SBNO2: variants seen among roughly 807,000 people sequenced by gnomAD.
SBNO2 encodes strawberry notch homolog 2, also known as protein strawberry notch homolog 2.
SBNO2 carries 89 observed loss-of-function variants against 146.3 expected under a neutral mutation model. That is an observed-to-expected ratio of 0.61 (90% CI 0.51 to 0.73). SBNO2 has a LOEUF of 0.73. Ranked by LOEUF, SBNO2 falls within the 30% of genes least tolerant of loss-of-function variation. SBNO2 has a pLI of 0.00. For missense variants in SBNO2, 2,092 were observed against 2,003.7 expected, an observed-to-expected ratio of 1.04 and a Z score of -0.84; for synonymous variants, 1,147 against 892.6, an observed-to-expected ratio of 1.29 and a Z score of -5.08.
At chr19:1,168,891 A>T (rs1385548275) in intron 1 of SBNO2, 1 of 152,100 alleles carries the variant, frequency 6.6e-6, no homozygotes, top group Non-Finnish European at 1.5e-5. Context: ...CCCAGCACCC[A>T]GGGCCTTGGC....
rs1189682213 is a variant in SBNO2 at position 1,126,074 on chromosome 19, G to C, written c.441+1530C>G. Among the ~76,000 whole-genome samples the C allele has an allele frequency of 1.3e-5, 2 of 152,210 alleles. No individual in the cohort carries two copies. The highest frequency in any genetic ancestry group is 1.3e-4 in the Admixed American group (2 of 15,276). On this transcript the variant is annotated intron_variant, in intron 5 of 31. Coordinates refer to ENST00000361757, the MANE Select transcript of SBNO2 (RefSeq NM_014963.3). This position sits in a 1 kb window ranked among gnomAD's most constrained non-coding sequence, Gnocchi z 4.4. ...CTTGAACTCCAACGTCCTGAGACGG[G>C]TGAGGTTTCCGCCCAAGCCTGCCTG...
At position 1,112,589 on chromosome 19, in the gene SBNO2, G is replaced by A. The variant is rs925393162; in HGVS notation, c.2380-52C>T. 9.8e-6 allele frequency: 15 copies of A among 1,523,822 alleles called. No homozygotes were observed. Among genetic ancestry groups the A allele is most frequent in the East Asian group, 9.5e-5 (4 of 41,966 alleles). The allele number at this position is 1,523,822 out of a possible 1,614,324, so 94.4% of individuals were successfully genotyped here. On this transcript the variant is annotated intron_variant, in intron 20 of 31. Transcript: ENST00000361757. This position sits in a 1 kb window ranked among gnomAD's most constrained non-coding sequence, Gnocchi z 5.9. ...CGGTTGGTGCAAGGCCCGCCCCAGCGTTGCCGCCACCTCCTCACCCACTAG... is the reference window on the plus strand; with the variant it reads ...CGGTTGGTGCAAGGCCCGCCCCAGCATTGCCGCCACCTCCTCACCCACTAG...
chr19:1,123,116 C>A, intron 7 of SBNO2, 71 bp from the exon 8 acceptor site: 1 of 1,520,176 alleles, frequency 6.6e-7, no homozygotes, highest in South Asian at 1.2e-5. Flanking sequence ...TTATGGCACG[C>A]TGGGCGGGTC....
At chr19:1,166,796 C>T (rs570679772) in intron 1 of SBNO2, among the ~76,000 whole-genome samples, 1 of 152,206 alleles carries the variant, frequency 6.6e-6, no homozygotes, top group Non-Finnish European at 1.5e-5. Context: ...AATGGAGGTG[C>T]CCTTGTGTGT....
rs1166731966 is a variant in SBNO2, at chr19:1,108,572, G to C, written c.3749C>G (p.Pro1250Arg). The change falls in exon 32 of 32, where the codon CCT (proline) becomes CGT (arginine). Residue 1250 changes from proline to arginine, a missense_variant. Physicochemically the swap from Pro to Arg is moderately radical, Grantham distance 103 (BLOSUM62 -2). Transcript: ENST00000361757. Reference protein sequence around the residue: ...APPAPRPLALPCGPGEVLDLT... With the variant: ...APPAPRPLALRCGPGEVLDLT... ...GTCCAGCACCTCTCCGGGGCCGCAA[G>C]GCAGCGCCAGCGGGCGCGGGGCGGG... 7.9e-7 allele frequency: 1 copy of C among 1,258,018 alleles called. No homozygotes were observed. Among genetic ancestry groups the C allele is most frequent in the Non-Finnish European group, 1.0e-6 (1 of 1,004,054 alleles). The allele number at this position is 1,258,018 out of a possible 1,614,324, so 77.9% of individuals were successfully genotyped here. A position where few individuals can be genotyped will look rare whatever the true frequency, so the allele number is the denominator to read the frequency against.
At chr19:1,125,350 CTCCA>C (rs2079953101) in intron 5 of SBNO2, among the ~76,000 whole-genome samples, 1 of 124,698 alleles carries the variant, frequency 8.0e-6, no homozygotes, top group Non-Finnish European at 1.7e-5. Flanking sequence ...CAGGGCGAGA[CTCCA>C]TCTCAAAAAA....
At chr19:1,151,066 C>T (rs907528109) in intron 2 of SBNO2, among the ~76,000 whole-genome samples, 3 of 152,346 alleles carry the variant, frequency 2.0e-5, no homozygotes, top group African/African-American at 7.2e-5. Context: ...CTCCAGAGCC[C>T]GGGTCTCCTG....
chr19:1,154,972 T>C (rs1452183901), intron 1 of SBNO2: 1 of 151,876 alleles, frequency 6.6e-6, no homozygotes, highest in Non-Finnish European at 1.5e-5. Context: ...AGAACGTTCC[T>C]GGGCTACAGA....
At chr19:1,139,141 C>A (rs993843091) in intron 4 of SBNO2, among the ~76,000 whole-genome samples, 1 of 152,246 alleles carries the variant, frequency 6.6e-6, no homozygotes, top group African/African-American at 2.4e-5. Context: ...CTTCATGTGC[C>A]GGAACACGGC....
Position 1,119,965 on chromosome 19 carries a change from G to C in SBNO2, c.1208C>G (p.Ala403Gly). 3 of 1,551,174 alleles carry C rather than the reference G, an allele frequency of 1.9e-6. No homozygotes were observed. The highest frequency in any genetic ancestry group is 2.6e-6 in the Non-Finnish European group (3 of 1,147,286). Residue 403 changes from alanine (A) to glycine (G), a missense_variant, in exon 12 of 32, where the codon GCT becomes GGT. By Grantham distance (60) the Ala-to-Gly change is moderately conservative (BLOSUM62 0). Transcript: ENST00000361757. ...KNAGSTKMGK[A>G]VLDLQNKLPL... ...CAGCTTGTTCTGCAGGTCTAGCACA[G>C]CCTTGCCCATCTTGGTGGAGCCGGC...
chr19:1,117,744 G>T (rs572734994), intron 14 of SBNO2, among the ~76,000 whole-genome samples: 1 of 152,252 alleles, frequency 6.6e-6, no homozygotes, highest in Non-Finnish European at 1.5e-5. Flanking sequence ...CCGCGCCCGC[G>T]GCAAACAGGC....
Position 1,154,341 on chromosome 19 carries a change from C to A in SBNO2, c.-65G>T, listed in dbSNP as rs539897438. 2.6e-5 allele frequency: 24 copies of A among 919,522 alleles called. No homozygotes were observed. Among genetic ancestry groups the A allele is most frequent in the Middle Eastern group, 3.0e-4 (1 of 3,282 alleles). The allele number at this position is 919,522 out of a possible 1,614,324, so 57.0% of individuals were successfully genotyped here. ...GCGGCGGGACTCCAGGACCCGGGGC[C>A]GCCGGGGCGTCTATCTGGGCTTCTC... On this transcript the variant is annotated 5_prime_UTR_variant, in exon 2 of 32. Transcript: ENST00000361757.
At position 1,109,819 on chromosome 19, in the gene SBNO2, ACTGTGGGCTGGGG is replaced by A; in HGVS notation, c.3029-55_3029-43del. 6.9e-7 allele frequency: 1 copy of A among 1,448,542 alleles called. No homozygotes were observed. The allele number at this position is 1,448,542 out of a possible 1,614,324, so 89.7% of individuals were successfully genotyped here. ...AGGGTAAGTGGTGTCCAGGCCTGGG[ACTGTGGGCTGGGG>A]CCAGGGTCAGTCCCGTAGCCGGGGC... is the stretch of plus-strand genomic sequence containing the variant. On this transcript the variant is annotated intron_variant, in intron 26 of 31. Transcript: ENST00000361757. The surrounding 1 kb of genome is among the most constrained non-coding windows in gnomAD (Gnocchi z 4.2).
At position 1,158,039 on chromosome 19, in the gene SBNO2, T is replaced by C. The variant is rs572787121; in HGVS notation, c.-126-3637A>G. On this transcript the variant is annotated intron_variant, in intron 1 of 31. Coordinates refer to ENST00000361757, the MANE Select transcript of SBNO2 (RefSeq NM_014963.3). This position sits in a 1 kb window ranked among gnomAD's most constrained non-coding sequence, Gnocchi z 9.9. Reference sequence around the variant, plus strand: ...GGTAACTGCATCTGCCTCCCGTCTCTCTCTCCTGAGTCCGGGTAACTGCGG... The same window carrying C: ...GGTAACTGCATCTGCCTCCCGTCTCCCTCTCCTGAGTCCGGGTAACTGCGG... Among the ~76,000 whole-genome samples, 19 of 152,182 alleles carry C rather than the reference T, an allele frequency of 1.2e-4. 1 individual carries two copies. Among genetic ancestry groups the C allele is most frequent in the Admixed American group, 1.2e-3 (18 of 15,288 alleles).
Position 1,109,138 on chromosome 19 carries a change from G to C in SBNO2, c.3422C>G (p.Ala1141Gly). 1 of 1,552,544 alleles carries C rather than the reference G, an allele frequency of 6.4e-7. No individual in the cohort carries two copies. The highest frequency in any genetic ancestry group is 8.7e-7 in the Non-Finnish European group (1 of 1,148,464). ...ALSLTHCSHS[A>G]WNRHCRLAQE... is the part of the protein sequence containing the mutation. ...CTGGTCCCCGGCCCGCCCTCACCAG[G>C]CGCTGTGGCTGCAGTGCGTCAGCGA... The change falls in exon 30 of 32, where the codon GCC becomes GGC. Residue 1141 changes from alanine to glycine, a missense_variant. By Grantham distance (60) the Ala-to-Gly change is moderately conservative. Transcript: ENST00000361757. The surrounding 1 kb of genome is among the most constrained non-coding windows in gnomAD (Gnocchi z 4.2).
rs2079972844 is a variant in SBNO2, at chr19:1,126,994, C to T, written c.441+610G>A. Among the ~76,000 whole-genome samples, 1 of 152,196 alleles carries T rather than the reference C, an allele frequency of 6.6e-6. No homozygotes were observed. The highest frequency in any genetic ancestry group is 1.5e-5 in the Non-Finnish European group (1 of 68,040). ...AGGTCCTTCAGGAGCTTCTTGGAGG[C>T]AAACCCCAGCCCCTCAGCCCCCACG... On this transcript the variant is annotated intron_variant, in intron 5 of 31. Transcript: ENST00000361757. This position sits in a 1 kb window ranked among gnomAD's most constrained non-coding sequence, Gnocchi z 4.4.
At chr19:1,130,909 G>A (rs2080020860) in intron 4 of SBNO2, among the ~76,000 whole-genome samples, 1 of 152,156 alleles carries the variant, frequency 6.6e-6, no homozygotes, top group South Asian at 2.1e-4. Context: ...CCCAGCACAG[G>A]ACACCCCACC....
At chr19:1,134,077 G>A (rs1468818155) in intron 4 of SBNO2, among the ~76,000 whole-genome samples, 5 of 151,886 alleles carry the variant, frequency 3.3e-5, no homozygotes, top group Non-Finnish European at 5.9e-5. Context: ...CTCATGGGTG[G>A]ACCCACAGCT....
chr19:1,119,721 G>T (rs1385249635), intron 12 of SBNO2, 100 bp from the exon 13 acceptor site: 4 of 1,121,416 alleles, frequency 3.6e-6, no homozygotes, highest in African/African-American at 1.5e-5. Flanking sequence ...GGCCCTGCGG[G>T]GTTGGAGCCA....
Sources: gnomAD v4.1 joint callset for allele counts (sites outside exome capture counted in the v4.1 genomes callset) on GRCh38, gnomAD v4.1.1 for gene constraint, Gnocchi (gnomAD v3.1) non-coding constraint, MANE v1.5 for transcripts, NCBI Gene and HGNC (gene_info 2026-07-23, HGNC 2026-07-21) for gene names.